Variants in TRIT1 observed in about 807,000 individuals in gnomAD.
The protein encoded by TRIT1 is tRNA isopentenyltransferase 1.
Under a neutral mutation model 51.2 loss-of-function variants are expected in TRIT1, and 43 were observed. The ratio of observed to expected loss-of-function variants is 0.84; its 90% CI spans 0.66 to 1.08. The LOEUF (loss-of-function observed/expected upper bound fraction) is 1.08. TRIT1 is among the 50% of genes least tolerant of loss of function. The probability of loss-of-function intolerance (pLI) is 0.00; values close to 1 mark genes in which losing one functional copy is unlikely to be tolerated. For missense variants in TRIT1, 528 were observed against 578.4 expected, an observed-to-expected ratio of 0.91 and a Z score of 0.89; for synonymous variants, 184 against 203.9, an observed-to-expected ratio of 0.90 and a Z score of 0.83.
intron 1 of TRIT1, among the ~76,000 whole-genome samples, chr1:39,881,246 GAAGA>G (rs1252333357): frequency 4.9e-5 from 7 of 142,778 alleles, no homozygotes; most frequent in Non-Finnish European, 7.7e-5. Flanking sequence ...AAAAAAAAAA[GAAGA>G]AAGAAATGAT....
intron 1 of TRIT1, among the ~76,000 whole-genome samples, chr1:39,867,368 C>T (rs901238502): frequency 6.6e-6 from 1 of 152,174 alleles, no homozygotes; most frequent in South Asian, 2.1e-4. Context: ...TAGTCTCGAA[C>T]TCCCAACCTC....
intron 10 of TRIT1, among the ~76,000 whole-genome samples, chr1:39,842,466 C>T (rs1246806217): frequency 1.3e-5 from 2 of 152,124 alleles, no homozygotes; most frequent in African/African-American, 4.8e-5. Context: ...TCAAAAAGGT[C>T]ATGTGAACGA....
intron 4 of TRIT1, 30 bp from the exon 5 acceptor site, chr1:39,850,291 C>T (rs1183375066): frequency 2.5e-6 from 4 of 1,611,378 alleles, no homozygotes; most frequent in South Asian, 2.2e-5. Context: ...AGGGAGGGGG[C>T]ACACCCATAA....
In TRIT1 at chr1:39,841,845, T is replaced by C; in HGVS notation, c.1303A>G (p.Asn435Asp). The change falls in exon 11 of 11, where the codon AAC becomes GAC. Residue 435 changes from asparagine (N) to aspartate (D), a missense_variant. Transcript: ENST00000316891. ...KRRRLDSDAV[N>D]TIESQSVSPD... ...GAAACACTCTGACTTTCTATGGTGT[T>C]GACAGCATCTGAGTCCAATCTTCTT... is the stretch of plus-strand genomic sequence containing the variant. 1 of 1,614,118 alleles carries C rather than the reference T, an allele frequency of 6.2e-7. No individual in the cohort carries two copies.
intron 1 of TRIT1, among the ~76,000 whole-genome samples, chr1:39,857,921 A>AT (rs761874189): frequency 3.7e-4 from 57 of 152,216 alleles, no homozygotes; most frequent in Non-Finnish European, 5.9e-4. Flanking sequence ...AAACATACAC[A>AT]TACACACTTT....
intron 10 of TRIT1, 32 bp downstream of exon 10, chr1:39,844,069 T>C (rs1642076800): frequency 2.7e-6 from 4 of 1,508,378 alleles, no homozygotes; most frequent in Non-Finnish European, 3.7e-6. Context: ...CCCACCCTTA[T>C]AGATTTCTTC....
intron 1 of TRIT1, among the ~76,000 whole-genome samples, chr1:39,863,331 G>A (rs1271148261): frequency 4.6e-5 from 7 of 152,240 alleles, no homozygotes; most frequent in Non-Finnish European, 8.8e-5. Flanking sequence ...TGGGTGTGGT[G>A]GCACGTGCCT....
At chr1:39,866,814 AC>A (rs756574935) in intron 1 of TRIT1, among the ~76,000 whole-genome samples, 7 of 152,132 alleles carry the variant, frequency 4.6e-5, no homozygotes, top group African/African-American at 1.7e-4. Flanking sequence ...TACAAAAAAA[AC>A]AAAACAAAAA....
Position 39,857,423 on chromosome 1 carries a change from G to C in TRIT1, c.175-6C>G, listed in dbSNP as rs1453251885. The stretch of plus-strand genomic sequence containing the variant: ...ATGTCTAGGCCTTCATAGACCTAGG[G>C]GAAAGAAAATTAACATGAGAAAGTC... On this transcript the variant is annotated splice_polypyrimidine_tract_variant and splice_region_variant and intron_variant, in intron 1 of 10. Transcript: ENST00000316891. The C allele has an allele frequency of 1.9e-6, 3 of 1,607,486 alleles. No homozygotes were observed. The highest frequency in any genetic ancestry group is 3.4e-5 in the Admixed American group (2 of 58,466).
At chr1:39,851,075 C>A (rs1219997396) in intron 4 of TRIT1, among the ~76,000 whole-genome samples, 1 of 152,156 alleles carries the variant, frequency 6.6e-6, no homozygotes, top group Non-Finnish European at 1.5e-5. Context: ...TCTTTCTCTT[C>A]CTGACCCAAT....
chr1:39,844,344 A>C, intron 9 of TRIT1, 126 bp from the exon 10 acceptor site: 1 of 891,500 alleles, frequency 1.1e-6, no homozygotes, highest in South Asian at 1.6e-5. Flanking sequence ...GGCTGTATAC[A>C]GATTTTAGCA....
intron 8 of TRIT1, among the ~76,000 whole-genome samples, chr1:39,845,593 G>A (rs538085820): frequency 1.9e-4 from 29 of 152,342 alleles, no homozygotes; most frequent in African/African-American, 6.7e-4. Context: ...GGTGCAGGCA[G>A]CATCCACAGC....
intron 3 of TRIT1, 43 bp from the exon 4 acceptor site, chr1:39,852,919 C>T: frequency 1.2e-6 from 2 of 1,605,826 alleles, no homozygotes; most frequent in Non-Finnish European, 1.7e-6. Flanking sequence ...TCAACCAACA[C>T]TGAGACAGTG....
chr1:39,883,235 G>A, intron 1 of TRIT1, 83 bp downstream of exon 1: 2 of 1,460,610 alleles, frequency 1.4e-6, no homozygotes, highest in Non-Finnish European at 1.9e-6. Flanking sequence ...AAGCCTCGGG[G>A]TTCACCCTTT....
chr1:39,876,922 C>A, intron 1 of TRIT1, among the ~76,000 whole-genome samples: 1 of 127,372 alleles, frequency 7.9e-6, no homozygotes, highest in African/African-American at 2.9e-5. Flanking sequence ...AGCAAGACTC[C>A]ATCTCAAAAA....
chr1:39,858,191 AC>A (rs1643010803), intron 1 of TRIT1, among the ~76,000 whole-genome samples: 1 of 152,248 alleles, frequency 6.6e-6, no homozygotes, highest in Non-Finnish European at 1.5e-5. Flanking sequence ...CACTGATTCT[AC>A]AGGGAGCACT....
intron 2 of TRIT1, among the ~76,000 whole-genome samples, chr1:39,856,177 G>A (rs938491787): frequency 1.3e-5 from 2 of 152,110 alleles, no homozygotes; most frequent in African/African-American, 4.8e-5. Context: ...GTGGTGGCAT[G>A]TGCCTGTAGT....
intron 1 of TRIT1, among the ~76,000 whole-genome samples, chr1:39,882,908 C>A (rs550977208): frequency 6.6e-6 from 1 of 152,320 alleles, no homozygotes; most frequent in South Asian, 2.1e-4. Flanking sequence ...CCTGATCTCG[C>A]TGGGTTAGGG....
In TRIT1 at chr1:39,854,700, C is replaced by T. The variant is rs572013100; in HGVS notation, c.316-632G>A. Reference sequence around the variant, plus strand: ...TTAAATGTGACAATTCATAGAAATCCCCTATCACAATGCCTAAAAAATAGT... The same window carrying T: ...TTAAATGTGACAATTCATAGAAATCTCCTATCACAATGCCTAAAAAATAGT... On this transcript the variant is annotated intron_variant, in intron 2 of 10. Coordinates refer to ENST00000316891, the MANE Select transcript of TRIT1 (RefSeq NM_017646.6). 2.1e-4 allele frequency among the ~76,000 whole-genome samples: 32 copies of T among 152,260 alleles called. No homozygotes were observed. The East Asian group carries it at 6.2e-3, about 29-fold the overall frequency.
Sources: allele counts gnomAD v4.1 joint callset (sites outside exome capture counted in the v4.1 genomes callset), GRCh38; gene constraint gnomAD v4.1.1; transcripts MANE v1.5; gene names NCBI Gene and HGNC (gene_info 2026-07-23, HGNC 2026-07-21).